The following SERPINI2 variants were observed in gnomAD, a reference collection of about 807,000 sequenced individuals.
The protein encoded by SERPINI2 is serpin I2.
SERPINI2 carries 48 observed loss-of-function variants against 47.3 expected under a neutral mutation model. That is an observed-to-expected ratio of 1.02 (90% CI 0.81 to 1.29). SERPINI2 has a LOEUF of 1.29. Ranked by LOEUF, SERPINI2 falls within the 50% of genes most tolerant of loss-of-function variation. SERPINI2 has a pLI of 0.00. For synonymous variants in SERPINI2, 135 were observed against 149.3 expected, an observed-to-expected ratio of 0.90 and a Z score of 0.70; for missense variants, 448 against 456.9, an observed-to-expected ratio of 0.98 and a Z score of 0.18.
At chr3:167,446,528 C>G (rs756841628) in intron 7 of SERPINI2, 47 bp from the exon 8 acceptor site, 1 of 1,223,706 alleles carries the variant, frequency 8.2e-7, no homozygotes, top group Non-Finnish European at 1.2e-6. Context: ...ATTAAAAGAT[C>G]AGTAAAGAAA....
At chr3:167,448,641 G>A (rs2108152504) in intron 7 of SERPINI2, among the ~76,000 whole-genome samples, 1 of 152,286 alleles carries the variant, frequency 6.6e-6, no homozygotes, top group African/African-American at 2.4e-5. Flanking sequence ...TCCTGCCTCA[G>A]CCTCCCGAGT....
exon 8 of SERPINI2, chr3:167,446,417 C>G (rs1484726213): frequency 6.2e-7 from 1 of 1,609,454 alleles, no homozygotes; most frequent in East Asian, 2.2e-5. Context: ...TCATAATAAA[C>G]AGAAATGGAT....
At chr3:167,470,822 A>G (rs1750294647) in intron 2 of SERPINI2, among the ~76,000 whole-genome samples, 1 of 152,026 alleles carries the variant, frequency 6.6e-6, no homozygotes, top group African/African-American at 2.4e-5. Flanking sequence ...TGTGTGAGCC[A>G]CCACACCAGC....
At position 167,463,453 on chromosome 3, in the gene SERPINI2, A is replaced by G. The variant is rs145116823; in HGVS notation, c.866+1753T>C. On this transcript the variant is annotated intron_variant, in intron 5 of 8. Transcript: ENST00000264677. ...AAGAGGAGGAAAATTCTGAAGATGA[A>G]ACTCTGATAAACATTTTTGCTTGGG... is the stretch of plus-strand genomic sequence containing the variant. 3.8e-3 allele frequency among the ~76,000 whole-genome samples: 582 copies of G among 152,260 alleles called. 2 individuals carry two copies. Among genetic ancestry groups the G allele is most frequent in the African/African-American group, 0.013 (544 of 41,552 alleles).
upstream of SERPINI2, among the ~76,000 whole-genome samples, chr3:167,476,942 G>T (rs190321026): frequency 9.9e-5 from 15 of 152,032 alleles, no homozygotes; most frequent in South Asian, 1.5e-3. Context: ...ATGTGGCTCA[G>T]ATTTCACTCC....
chr3:167,465,774 G>T, intron 3 of SERPINI2, 101 bp from the exon 4 acceptor site: 1 of 923,932 alleles, frequency 1.1e-6, no homozygotes, highest in Non-Finnish European at 1.6e-6. Context: ...TTGCAGATCA[G>T]TTTTGGATAG....
chr3:167,459,564 A>G (rs973392128), intron 5 of SERPINI2, among the ~76,000 whole-genome samples: 4 of 152,064 alleles, frequency 2.6e-5, no homozygotes, highest in Non-Finnish European at 5.9e-5. Flanking sequence ...TCAATTCTAA[A>G]CTAGATATAC....
At chr3:167,453,662 G>T (rs976419491) in intron 5 of SERPINI2, among the ~76,000 whole-genome samples, 3 of 148,690 alleles carry the variant, frequency 2.0e-5, no homozygotes, top group Non-Finnish European at 4.4e-5. Flanking sequence ...GGAGTGGGGG[G>T]GGGTGGGCAA....
intron 5 of SERPINI2, among the ~76,000 whole-genome samples, chr3:167,457,291 C>T (rs577031461): frequency 1.5e-3 from 223 of 152,308 alleles, no homozygotes; most frequent in African/African-American, 5.1e-3. Context: ...AATTTCAGGG[C>T]TTCAAGGACC....
chr3:167,449,178 T>C, intron 7 of SERPINI2, 138 bp downstream of exon 7: 1 of 656,268 alleles, frequency 1.5e-6, no homozygotes, highest in Non-Finnish European at 2.7e-6. Flanking sequence ...TATACAACCA[T>C]TTCCTTTTTT....
intron 2 of SERPINI2, among the ~76,000 whole-genome samples, chr3:167,470,886 A>G (rs1418435810): frequency 1.3e-5 from 2 of 152,132 alleles, no homozygotes; most frequent in Admixed American, 1.3e-4. Context: ...GTATCCCAGT[A>G]AGAGGGATAG....
intron 8 of SERPINI2, among the ~76,000 whole-genome samples, chr3:167,443,147 A>G (rs548341309): frequency 9.2e-5 from 14 of 152,270 alleles, no homozygotes; most frequent in South Asian, 4.1e-4. Context: ...TCGCTCTGTC[A>G]CCCAGGCTGG....
intron 5 of SERPINI2, among the ~76,000 whole-genome samples, chr3:167,459,916 C>T (rs1472459859): frequency 6.6e-6 from 1 of 152,090 alleles, no homozygotes; most frequent in African/African-American, 2.4e-5. Context: ...CACACGAAGA[C>T]AGATGGCTAC....
intron 3 of SERPINI2, among the ~76,000 whole-genome samples, chr3:167,466,390 TA>T (rs1183256343): frequency 6.6e-6 from 1 of 152,206 alleles, no homozygotes; most frequent in Non-Finnish European, 1.5e-5. Flanking sequence ...AAAGTACTAT[TA>T]ATTGAGGGCT....
chr3:167,460,906 G>T (rs796408998), intron 5 of SERPINI2, among the ~76,000 whole-genome samples: 12 of 152,260 alleles, frequency 7.9e-5, no homozygotes, highest in African/African-American at 2.9e-4. Flanking sequence ...AGGAACAACA[G>T]AAACTAAAAT....
intron 5 of SERPINI2, among the ~76,000 whole-genome samples, chr3:167,464,378 A>C (rs554648139): frequency 6.6e-6 from 1 of 152,212 alleles, no homozygotes; most frequent in Admixed American, 6.5e-5. Flanking sequence ...GAAAGGGATA[A>C]AGGAGACAAA....
chr3:167,442,063 G>T, exon 9 of SERPINI2: 1 of 1,439,544 alleles, frequency 6.9e-7, no homozygotes, highest in Non-Finnish European at 9.5e-7. Context: ...TTGCCAATCA[G>T]CTATTTTTGA....
intron 5 of SERPINI2, among the ~76,000 whole-genome samples, chr3:167,461,215 T>A (rs1272718076): frequency 2.0e-5 from 3 of 152,098 alleles, no homozygotes. Flanking sequence ...TCTAGTTTGG[T>A]ATTGACTGGG....
chr3:167,474,146 A>AGG, upstream of SERPINI2: 1 of 990,550 alleles, frequency 1.0e-6, no homozygotes, highest in Non-Finnish European at 1.2e-6. Flanking sequence ...GAACAAAAGC[A>AGG]GGTGTTCACT....
Sources: allele counts gnomAD v4.1 joint callset (sites outside exome capture counted in the v4.1 genomes callset), GRCh38; gene constraint gnomAD v4.1.1; transcripts MANE v1.5; gene names NCBI Gene and HGNC (gene_info 2026-07-23, HGNC 2026-07-21).